Variants in NUBPL observed in about 807,000 individuals in gnomAD.
NUBPL encodes NUBP iron-sulfur cluster assembly factor, mitochondrial.
A neutral mutation model predicts 45.7 loss-of-function variants in NUBPL; 31 were observed. The observed-to-expected ratio is 0.68, with a 90% CI of 0.51 to 0.92. The LOEUF is 0.92. Among genes scored for constraint, NUBPL ranks in the 40% least tolerant of loss-of-function variants. The pLI is 0.00. For missense variants in NUBPL, 401 were observed against 398.7 expected (o/e 1.01, Z -0.05); for synonymous variants, 144 against 140.9 (o/e 1.02, Z -0.15).
chr14:31,805,756 G>T (rs567296245), intron 7 of NUBPL, among the ~76,000 whole-genome samples: 2 of 152,202 alleles, frequency 1.3e-5, no homozygotes, highest in Admixed American at 6.6e-5. Flanking sequence ...CTCTCAGAGG[G>T]TGAAGGGTGG....
Position 31,743,347 on chromosome 14 carries a change from T to C in NUBPL, c.514-44433T>C, listed in dbSNP as rs573650670. Among the ~76,000 whole-genome samples the C allele has an allele frequency of 8.5e-5, 13 of 152,290 alleles. No individual in the cohort carries two copies. The South Asian group carries it at 2.7e-3, about 32-fold the overall frequency. On this transcript the variant is annotated intron_variant, in intron 6 of 10. Coordinates refer to ENST00000281081, the MANE Select transcript of NUBPL (RefSeq NM_025152.3). ...GATTGGTGCCATTACAAATTTATGG[T>C]ATTCATTCTCGGCTGGGCTCTTGTT...
At chr14:31,654,159 T>G (rs1184498028) in intron 4 of NUBPL, 1 of 452,328 alleles carries the variant, frequency 2.2e-6, no homozygotes, top group African/African-American at 2.0e-5. Context: ...TTTTTTGGTT[T>G]CCCATTGCAT....
chr14:31,600,049 G>A (rs1216810900), intron 4 of NUBPL, among the ~76,000 whole-genome samples: 2 of 151,132 alleles, frequency 1.3e-5, no homozygotes, highest in South Asian at 2.1e-4. Context: ...AGCCTCCCAA[G>A]TAGCTGGGAC....
At chr14:31,695,159 A>T (rs1364853791) in intron 6 of NUBPL, among the ~76,000 whole-genome samples, 2 of 152,218 alleles carry the variant, frequency 1.3e-5, no homozygotes, top group Non-Finnish European at 2.9e-5. Flanking sequence ...AAACCCTGTT[A>T]GTCAGCATTG....
At chr14:31,580,045 A>G (rs2139489967) in intron 3 of NUBPL, among the ~76,000 whole-genome samples, 1 of 152,362 alleles carries the variant, frequency 6.6e-6, no homozygotes, top group South Asian at 2.1e-4. Flanking sequence ...TTCAAATAAC[A>G]TGCTTTCCTT....
At chr14:31,816,740 C>T (rs992734969) in intron 7 of NUBPL, among the ~76,000 whole-genome samples, 1 of 152,100 alleles carries the variant, frequency 6.6e-6, no homozygotes, top group African/African-American at 2.4e-5. Flanking sequence ...TCTTTGTTCT[C>T]ATTGGTTTTA....
intron 8 of NUBPL, among the ~76,000 whole-genome samples, chr14:31,829,708 T>C (rs2040160107): frequency 6.6e-6 from 1 of 152,202 alleles, no homozygotes; most frequent in South Asian, 2.1e-4. Flanking sequence ...AACGATGATG[T>C]CATTGGAATT....
intron 6 of NUBPL, among the ~76,000 whole-genome samples, chr14:31,689,143 CT>C (rs563587142): frequency 1.4e-4 from 21 of 152,170 alleles, no homozygotes; most frequent in Middle Eastern, 3.4e-3. Flanking sequence ...GTGCATGTGT[CT>C]TTATGGTAGA....
chr14:31,664,675 G>T (rs758780299), intron 4 of NUBPL, among the ~76,000 whole-genome samples: 16 of 152,148 alleles, frequency 1.1e-4, no homozygotes, highest in Non-Finnish European at 1.9e-4. Context: ...ATGTTCATCA[G>T]GGATGTAGGC....
At chr14:31,588,413 CTCTCT>C (rs796422331) in intron 3 of NUBPL, among the ~76,000 whole-genome samples, 5,536 of 20,202 alleles carry the variant, frequency 0.27, 221 homozygotes, top group African/African-American at 0.41. Context: ...TTAGATCTCT[CTCTCT>C]TTTTTTTTTG....
At chr14:31,811,694 G>C (rs939747949) in intron 7 of NUBPL, among the ~76,000 whole-genome samples, 1 of 152,094 alleles carries the variant, frequency 6.6e-6, no homozygotes, top group Non-Finnish European at 1.5e-5. Flanking sequence ...GGAGGAGAAG[G>C]AGTGCTCTGG....
intron 6 of NUBPL, among the ~76,000 whole-genome samples, chr14:31,782,514 G>A (rs1471467940): frequency 2.0e-5 from 3 of 152,118 alleles, no homozygotes; most frequent in South Asian, 2.1e-4. Flanking sequence ...AATCTTGCTG[G>A]GTGTGGTGGC....
chr14:31,616,348 G>A (rs2034899320), intron 4 of NUBPL, among the ~76,000 whole-genome samples: 1 of 152,128 alleles, frequency 6.6e-6, no homozygotes, highest in Non-Finnish European at 1.5e-5. Context: ...CTTTGCCCAT[G>A]CCTATGTCCT....
At chr14:31,748,530 T>C (rs1478478265) in intron 6 of NUBPL, among the ~76,000 whole-genome samples, 2 of 150,820 alleles carry the variant, frequency 1.3e-5, no homozygotes, top group African/African-American at 5.0e-5. Flanking sequence ...CTGCATTGAT[T>C]CCTTCGTGAT....
At chr14:31,648,338 A>G (rs972300407) in intron 4 of NUBPL, among the ~76,000 whole-genome samples, 2 of 152,364 alleles carry the variant, frequency 1.3e-5, no homozygotes, top group East Asian at 1.9e-4. Context: ...TCCTAGTACC[A>G]TAAGAAGGAA....
chr14:31,784,119 G>A (rs1275458913), intron 6 of NUBPL, among the ~76,000 whole-genome samples: 2 of 152,142 alleles, frequency 1.3e-5, no homozygotes, highest in Non-Finnish European at 2.9e-5. Flanking sequence ...AGACTCCAGA[G>A]AAATGGAGTC....
intron 4 of NUBPL, among the ~76,000 whole-genome samples, chr14:31,621,201 A>T (rs2035051298): frequency 6.6e-6 from 1 of 152,160 alleles, no homozygotes; most frequent in African/African-American, 2.4e-5. Flanking sequence ...AAGCCAGTGG[A>T]TCTTAGCTTG....
At chr14:31,797,753 A>G (rs1253266113) in intron 7 of NUBPL, among the ~76,000 whole-genome samples, 3 of 145,402 alleles carry the variant, frequency 2.1e-5, no homozygotes, top group South Asian at 2.2e-4. Context: ...TAATATTGCT[A>G]TGTGTGAATT....
At chr14:31,750,886 A>G (rs925026662) in intron 6 of NUBPL, among the ~76,000 whole-genome samples, 5 of 152,154 alleles carry the variant, frequency 3.3e-5, no homozygotes, top group African/African-American at 9.7e-5. Context: ...GGTTTAATCG[A>G]TTTACAGTTC....
Sources: allele counts gnomAD v4.1 joint callset (sites outside exome capture counted in the v4.1 genomes callset), GRCh38; gene constraint gnomAD v4.1.1; transcripts MANE v1.5; gene names NCBI Gene and HGNC (gene_info 2026-07-23, HGNC 2026-07-21).